Variants in SYT16 observed in about 807,000 individuals in gnomAD.
SYT16 encodes the protein synaptotagmin-16.
Under a neutral mutation model 61.4 loss-of-function variants are expected in SYT16, and 42 were observed. The ratio of observed to expected loss-of-function variants is 0.68; its 90% CI spans 0.53 to 0.89. The LOEUF is 0.89. SYT16 is among the 40% of genes least tolerant of loss of function. SYT16 has a pLI of 0.00. For missense variants in SYT16, 804 were observed against 807.3 expected, an observed-to-expected ratio of 1.00 and a Z score of 0.05; for synonymous variants, 314 against 302.3, an observed-to-expected ratio of 1.04 and a Z score of -0.40.
chr14:61,964,316 A>G (rs2051224425), intron 1 of SYT16, among the ~76,000 whole-genome samples: 1 of 152,148 alleles, frequency 6.6e-6, no homozygotes, highest in East Asian at 1.9e-4. Context: ...ATGGGAGGTC[A>G]AAATATCAAT....
At chr14:61,815,560 T>C (rs958444730) in intron 1 of SYT16, among the ~76,000 whole-genome samples, 1 of 152,178 alleles carries the variant, frequency 6.6e-6, no homozygotes, top group Non-Finnish European at 1.5e-5. Flanking sequence ...TTTTAAAATA[T>C]TTGCCTGGAA....
At chr14:61,874,173 G>T (rs2047415982) in intron 1 of SYT16, among the ~76,000 whole-genome samples, 1 of 152,148 alleles carries the variant, frequency 6.6e-6, no homozygotes, top group South Asian at 2.1e-4. Context: ...AAACAATTTT[G>T]TTCCTATTGA....
chr14:62,078,333 A>G (rs910342553), intron 5 of SYT16, among the ~76,000 whole-genome samples: 9 of 152,162 alleles, frequency 5.9e-5, no homozygotes, highest in African/African-American at 1.9e-4. Context: ...CTGCCAGGGC[A>G]TGAGTCCTGG....
intron 1 of SYT16, among the ~76,000 whole-genome samples, chr14:61,816,062 C>T (rs1056785649): frequency 1.3e-5 from 2 of 152,162 alleles, no homozygotes; most frequent in Admixed American, 6.5e-5. Flanking sequence ...GACAGATGAA[C>T]ATTTGGTATT....
intron 1 of SYT16, among the ~76,000 whole-genome samples, chr14:61,945,796 C>A (rs995650248): frequency 2.3e-5 from 3 of 130,818 alleles, no homozygotes; most frequent in Non-Finnish European, 4.7e-5. Flanking sequence ...GCGGAACTTG[C>A]AGTGAGCCGA....
chr14:62,039,872 C>G (rs920092459), intron 3 of SYT16, among the ~76,000 whole-genome samples: 1 of 109,042 alleles, frequency 9.2e-6, no homozygotes, highest in African/African-American at 3.1e-5. Context: ...CACACACACA[C>G]ACACACGCAC....
At chr14:62,069,387 T>C in intron 3 of SYT16, 1 of 573,436 alleles carries the variant, frequency 1.7e-6, no homozygotes, top group Non-Finnish European at 3.1e-6. Context: ...GGGTTCTAGC[T>C]ATATACCGTA....
At chr14:61,937,663 A>G (rs947817323) in intron 1 of SYT16, among the ~76,000 whole-genome samples, 3 of 152,136 alleles carry the variant, frequency 2.0e-5, no homozygotes, top group Non-Finnish European at 4.4e-5. Context: ...ACAATTTTCA[A>G]TAAGAGATTA....
intron 1 of SYT16, among the ~76,000 whole-genome samples, chr14:61,874,530 G>T (rs935998149): frequency 2.0e-5 from 3 of 152,162 alleles, no homozygotes; most frequent in Non-Finnish European, 2.9e-5. Context: ...AAGGTACAGA[G>T]AATATTTCTT....
intron 1 of SYT16, among the ~76,000 whole-genome samples, chr14:61,862,056 A>G (rs1171304618): frequency 6.6e-6 from 1 of 152,236 alleles, no homozygotes; most frequent in Non-Finnish European, 1.5e-5. Context: ...GCAAATCACA[A>G]TAAAATGAAG....
chr14:61,823,574 C>CAAAAAAAAAAAAAAAAAAAA (rs55935256), intron 1 of SYT16, among the ~76,000 whole-genome samples: 1 of 71,046 alleles, frequency 1.4e-5, no homozygotes, highest in Non-Finnish European at 2.6e-5. Context: ...ACTAAAAATA[C>CAAAAAAAAAAAAAAAAAAAA]AAAAAAAAAA....
intron 1 of SYT16, among the ~76,000 whole-genome samples, chr14:61,895,184 C>A (rs912377): frequency 0.23 from 35,529 of 152,206 alleles, 5,031 homozygotes; most frequent in East Asian, 0.42. Flanking sequence ...ATGATTAGAT[C>A]GCACAGGTAG....
At chr14:62,027,112 T>A (rs539872776) in intron 3 of SYT16, among the ~76,000 whole-genome samples, 1 of 152,214 alleles carries the variant, frequency 6.6e-6, no homozygotes, top group Non-Finnish European at 1.5e-5. Flanking sequence ...TGCCTTAAAT[T>A]TATCTTTTTC....
At chr14:61,820,584 C>T (rs571697926) in intron 1 of SYT16, among the ~76,000 whole-genome samples, 97 of 138,108 alleles carry the variant, frequency 7.0e-4, no homozygotes, top group Non-Finnish European at 2.9e-4. Context: ...TGGGTTCAAG[C>T]GATTCTCCTG....
rs2057511362 is a variant in SYT16 at position 62,106,276 on chromosome 14, A to C, written c.*5569A>C. The C allele has an allele frequency of 6.6e-6, 1 of 152,202 alleles. No homozygotes were observed. Among genetic ancestry groups the C allele is most frequent in the Non-Finnish European group, 1.5e-5 (1 of 68,040 alleles). The allele number at this position is 152,202 out of a possible 1,614,324, so 9.4% of individuals were successfully genotyped here. A position where few individuals can be genotyped will look rare whatever the true frequency, so the allele number is the denominator to read the frequency against. Reference sequence around the variant, plus strand: ...CTTACCAATATACAACTGTTAAGTTAGTCTAACTATGTGCCATAAACAGTA... The same window carrying C: ...CTTACCAATATACAACTGTTAAGTTCGTCTAACTATGTGCCATAAACAGTA... On this transcript the variant is annotated 3_prime_UTR_variant, in exon 8 of 8. Transcript: ENST00000683842.
intron 3 of SYT16, among the ~76,000 whole-genome samples, chr14:62,025,880 T>TTA (rs2054083915): frequency 6.7e-6 from 1 of 148,774 alleles, no homozygotes; most frequent in African/African-American, 2.5e-5. Flanking sequence ...TGCAAATTGT[T>TTA]AAAAAAAAAA....
intron 3 of SYT16, among the ~76,000 whole-genome samples, chr14:62,006,113 C>A (rs114020639): frequency 6.6e-6 from 1 of 152,108 alleles, no homozygotes; most frequent in Non-Finnish European, 1.5e-5. Context: ...TATTTAAATA[C>A]CCTGAGGGCC....
At chr14:61,881,967 C>T (rs1014715390) in intron 1 of SYT16, among the ~76,000 whole-genome samples, 1 of 152,128 alleles carries the variant, frequency 6.6e-6, no homozygotes, top group Non-Finnish European at 1.5e-5. Context: ...CATACTTTTC[C>T]CAAATTCATC....
At chr14:62,001,854 C>T (rs8011495) in intron 3 of SYT16, among the ~76,000 whole-genome samples, 106 of 152,138 alleles carry the variant, frequency 7.0e-4, no homozygotes, top group African/African-American at 2.5e-3. Context: ...TTTTCTTTGA[C>T]AGCATCAAGT....
Sources: gnomAD v4.1 joint callset for allele counts (sites outside exome capture counted in the v4.1 genomes callset) on GRCh38, gnomAD v4.1.1 for gene constraint, MANE v1.5 for transcripts, NCBI Gene and HGNC (gene_info 2026-07-23, HGNC 2026-07-21) for gene names.